Variants in MAML3 observed in about 807,000 individuals in gnomAD.
MAML3 encodes the protein mastermind-like protein 3.
Under a neutral mutation model 101.9 loss-of-function variants are expected in MAML3, and 27 were observed. The observed-to-expected ratio is 0.27, with a 90% CI of 0.20 to 0.37. MAML3 has a LOEUF of 0.37. Ranked by LOEUF, MAML3 falls within the 10% of genes least tolerant of loss-of-function variation. The probability of loss-of-function intolerance (pLI) is 1.00; values close to 1 mark genes in which losing one functional copy is unlikely to be tolerated. For synonymous variants in MAML3, 501 were observed against 555.9 expected (o/e 0.90, Z 1.39); for missense variants, 1,316 against 1,444.9 (o/e 0.91, Z 1.45).
chr4:139,814,025 A>AACACACACACACAC (rs70943442), intron 2 of MAML3, among the ~76,000 whole-genome samples: 24,607 of 144,794 alleles, frequency 0.17, 2,216 homozygotes, highest in Non-Finnish European at 0.21. Flanking sequence ...CACAAACACA[A>AACACACACACACAC]ACACACACAC....
rs540897512 is a variant in MAML3 at position 139,819,340 on chromosome 4, GAC to G, written c.2079+70015_2079+70016del. Among the ~76,000 whole-genome samples the G allele has an allele frequency of 1.3e-3, 191 of 152,318 alleles. 3 individuals carry two copies. The highest frequency in any genetic ancestry group is 6.8e-3 in the Middle Eastern group (2 of 294). On this transcript the variant is annotated intron_variant, in intron 2 of 4. Transcript: ENST00000509479. ...CCTGCAGTGATGAGAGACATGGTGA[GAC>G]AGAGAGGAAGCTGAAAGGTATTTGG...
intron 1 of MAML3, among the ~76,000 whole-genome samples, chr4:140,123,227 C>CAA (rs1728637444): frequency 6.6e-6 from 1 of 151,742 alleles, no homozygotes; most frequent in Non-Finnish European, 1.5e-5. Context: ...CTGTCCCAAA[C>CAA]AAGGTTTGTT....
chr4:140,047,070 G>T (rs1165064888), intron 1 of MAML3, among the ~76,000 whole-genome samples: 2 of 152,244 alleles, frequency 1.3e-5, no homozygotes, highest in East Asian at 3.9e-4. Context: ...TGGGAGAAGG[G>T]TTTCAGTGAA....
At chr4:139,745,050 G>A (rs1729277142) in intron 2 of MAML3, among the ~76,000 whole-genome samples, 2 of 152,208 alleles carry the variant, frequency 1.3e-5, no homozygotes, top group African/African-American at 4.8e-5. Flanking sequence ...CATTTCTCTG[G>A]TTCCACTTGG....
intron 1 of MAML3, among the ~76,000 whole-genome samples, chr4:140,103,091 C>A (rs1247729754): frequency 6.6e-6 from 1 of 152,168 alleles, no homozygotes; most frequent in Non-Finnish European, 1.5e-5. Context: ...GAGGAAGGAC[C>A]ACTGCTTGCT....
intron 1 of MAML3, among the ~76,000 whole-genome samples, chr4:140,037,980 T>C (rs1043437107): frequency 4.6e-5 from 7 of 152,220 alleles, no homozygotes; most frequent in South Asian, 4.1e-4. Context: ...GAGAGAAGTC[T>C]CGTTAGCCAA....
intron 1 of MAML3, among the ~76,000 whole-genome samples, chr4:140,071,905 T>G (rs1578670155): frequency 6.6e-6 from 1 of 152,004 alleles, no homozygotes; most frequent in Non-Finnish European, 1.5e-5. Flanking sequence ...TGGTGTGGGG[T>G]GCAAGAATGT....
intron 2 of MAML3, among the ~76,000 whole-genome samples, chr4:139,766,064 T>C (rs114894865): frequency 0.015 from 2,237 of 152,156 alleles, 66 homozygotes; most frequent in African/African-American, 0.051. Context: ...CAAGGTGTTG[T>C]GTATTTCTTC....
chr4:140,011,342 G>GTTTT (rs1251237879), intron 1 of MAML3, among the ~76,000 whole-genome samples: 1 of 93,062 alleles, frequency 1.1e-5, no homozygotes, highest in African/African-American at 3.1e-5. Context: ...TTCTTGTTTT[G>GTTTT]TTTTTTTTTT....
intron 2 of MAML3, among the ~76,000 whole-genome samples, chr4:139,878,754 G>A (rs574186813): frequency 1.3e-5 from 2 of 152,300 alleles, no homozygotes; most frequent in African/African-American, 2.4e-5. Flanking sequence ...TGATGTGATT[G>A]AGCATCAGAA....
At chr4:139,816,514 C>T (rs1281107971) in intron 2 of MAML3, among the ~76,000 whole-genome samples, 4 of 151,990 alleles carry the variant, frequency 2.6e-5, no homozygotes, top group Admixed American at 6.6e-5. Context: ...CCAGACGTGT[C>T]GCCATGGCAG....
rs184607883 is a variant in MAML3, at chr4:140,050,819, G to A, written c.468+102041C>T. On this transcript the variant is annotated intron_variant, in intron 1 of 4. Coordinates refer to ENST00000509479, the MANE Select transcript of MAML3 (RefSeq NM_018717.5). The stretch of plus-strand genomic sequence containing the variant: ...AAGAGCCCACACCTCCTTCAGAATC[G>A]CTACCTTGAAATTACTTGTTAATCC... Among the ~76,000 whole-genome samples the A allele has an allele frequency of 8.5e-5, 13 of 152,232 alleles. No individual in the cohort carries two copies. The South Asian group carries it at 2.3e-3, about 27-fold the overall frequency.
intron 2 of MAML3, among the ~76,000 whole-genome samples, chr4:139,800,503 TAA>T (rs1454294979): frequency 6.6e-6 from 1 of 152,216 alleles, no homozygotes; most frequent in East Asian, 1.9e-4. Context: ...CTGAAAAGTA[TAA>T]AGTTTCTGTT....
At chr4:139,882,384 T>C (rs1732236626) in intron 2 of MAML3, among the ~76,000 whole-genome samples, 1 of 150,866 alleles carries the variant, frequency 6.6e-6, no homozygotes, top group Non-Finnish European at 1.5e-5. Context: ...CAATAAGGTG[T>C]ATCATCATGA....
At chr4:139,762,955 A>G (rs1729785063) in intron 2 of MAML3, among the ~76,000 whole-genome samples, 2 of 152,042 alleles carry the variant, frequency 1.3e-5, no homozygotes, top group African/African-American at 4.8e-5. Context: ...GCTTCCTGAC[A>G]TTGTTTCCTC....
intron 2 of MAML3, among the ~76,000 whole-genome samples, chr4:139,794,911 G>A (rs1730485019): frequency 1.3e-5 from 2 of 152,182 alleles, no homozygotes; most frequent in African/African-American, 4.8e-5. Flanking sequence ...CTGAATGAAG[G>A]TAAGAATTGG....
At chr4:140,012,572 T>C (rs946831170) in intron 1 of MAML3, among the ~76,000 whole-genome samples, 1 of 152,250 alleles carries the variant, frequency 6.6e-6, no homozygotes, top group Non-Finnish European at 1.5e-5. Flanking sequence ...CATTGTCTCA[T>C]GAACTTCACC....
intron 2 of MAML3, among the ~76,000 whole-genome samples, chr4:139,782,285 C>T (rs1730229399): frequency 6.6e-6 from 1 of 152,120 alleles, no homozygotes; most frequent in African/African-American, 2.4e-5. Context: ...GCCTCAGCCT[C>T]TCGAGTAGCT....
rs41423451 is a variant in MAML3, at chr4:140,039,179, T to G, written c.468+113681A>C. Among the ~76,000 whole-genome samples, 837 of 152,210 alleles carry G rather than the reference T, an allele frequency of 5.5e-3. 9 individuals are homozygous for G. The highest frequency in any genetic ancestry group is 0.019 in the African/African-American group (789 of 41,526). ...GGCAAATTAAACACAATGCCATAAC[T>G]TTCTTGGGATGAAGACTGAGGGAAA... On this transcript the variant is annotated intron_variant, in intron 1 of 4. Transcript: ENST00000509479.
Sources: allele counts gnomAD v4.1 joint callset (sites outside exome capture counted in the v4.1 genomes callset), GRCh38; gene constraint gnomAD v4.1.1; transcripts MANE v1.5; gene names NCBI Gene and HGNC (gene_info 2026-07-23, HGNC 2026-07-21).